The following SCYL2 variants were observed in gnomAD, a reference collection of about 807,000 sequenced individuals.
SCYL2 encodes the protein SCY1-like protein 2.
In SCYL2, 36 loss-of-function variants were observed where a neutral mutation model predicts 100.4. The ratio of observed to expected loss-of-function variants is 0.36; its 90% CI spans 0.27 to 0.47. The LOEUF (loss-of-function observed/expected upper bound fraction) is 0.47. Among genes scored for constraint, SCYL2 ranks in the 20% least tolerant of loss-of-function variants. The pLI, the probability that SCYL2 is intolerant of heterozygous loss-of-function variation, is 1.00. For synonymous variants in SCYL2, 330 were observed against 359.2 expected (o/e 0.92, Z 0.92); for missense variants, 902 against 1,083.9 (o/e 0.83, Z 2.36).
chr12:100,322,372 C>CAAAAAAAAAAAAAAA (rs34959294), intron 10 of SCYL2, among the ~76,000 whole-genome samples: 1 of 61,828 alleles, frequency 1.6e-5, no homozygotes, highest in Non-Finnish European at 3.3e-5. Context: ...GACTCCGTCT[C>CAAAAAAAAAAAAAAA]AAAAAAAAAA....
Position 100,277,193 on chromosome 12 carries a change from C to T in SCYL2, c.-28-5750C>T, listed in dbSNP as rs945177392. Among the ~76,000 whole-genome samples the T allele has an allele frequency of 3.9e-5, 6 of 152,132 alleles. No homozygotes were observed. The East Asian group carries it at 7.7e-4, about 20-fold the overall frequency. On this transcript the variant is annotated intron_variant, in intron 1 of 17. Transcript: ENST00000360820. The stretch of plus-strand genomic sequence containing the variant: ...CATTTTAGTGAATGTTACGTGTCTA[C>T]ATGAAAACCATTTTTAGTGAATGTT...
chr12:100,278,908 G>A (rs535688412), intron 1 of SCYL2, among the ~76,000 whole-genome samples: 3 of 152,206 alleles, frequency 2.0e-5, no homozygotes, highest in South Asian at 4.1e-4. Context: ...GATTACAGGC[G>A]TGAGCCACCG....
chr12:100,340,261 A>ATTTTTAATTTC lies in SCYL2; in HGVS notation c.*1090_*1091insTTTTAATTTCT, dbSNP rs1952336139. ...GGAATTTTAGGAACCTTTTGTTTAAATATTTTAATTTCTATTAGCCATTTT... is the reference window on the plus strand; with the variant it reads ...GGAATTTTAGGAACCTTTTGTTTAAATTTTTAATTTCTATTTTAATTTCTATTAGCCATTTT... On this transcript the variant is annotated 3_prime_UTR_variant, in exon 18 of 18. Transcript: ENST00000360820. 6.6e-6 allele frequency: 1 copy of ATTTTTAATTTC among 152,530 alleles called. No homozygotes were observed. The highest frequency in any genetic ancestry group is 1.5e-5 in the Non-Finnish European group (1 of 67,966). The allele number at this position is 152,530 out of a possible 1,614,324, so 9.4% of individuals were successfully genotyped here.
intron 3 of SCYL2, among the ~76,000 whole-genome samples, chr12:100,292,250 CT>C (rs2096311488): frequency 6.6e-6 from 1 of 152,212 alleles, no homozygotes; most frequent in Admixed American, 6.5e-5. Flanking sequence ...CTTTATAAAC[CT>C]TTTCGACATT....
chr12:100,319,123 T>G (rs2096352762), intron 10 of SCYL2: 1 of 428,796 alleles, frequency 2.3e-6, no homozygotes, highest in Admixed American at 2.6e-5. Context: ...TACTACATAT[T>G]TAAGGTCACT....
At chr12:100,307,156 T>C (rs2096335557) in intron 4 of SCYL2, among the ~76,000 whole-genome samples, 1 of 152,200 alleles carries the variant, frequency 6.6e-6, no homozygotes, top group African/African-American at 2.4e-5. Flanking sequence ...TTAAATTTCA[T>C]ATGGAACCAA....
chr12:100,299,383 A>G (rs1349202782), intron 4 of SCYL2, among the ~76,000 whole-genome samples: 2 of 152,236 alleles, frequency 1.3e-5, no homozygotes, highest in African/African-American at 4.8e-5. Flanking sequence ...TAAACTACAC[A>G]TATTCAAAGT....
At chr12:100,300,527 A>G (rs970478284) in intron 4 of SCYL2, among the ~76,000 whole-genome samples, 14 of 152,008 alleles carry the variant, frequency 9.2e-5, no homozygotes, top group Non-Finnish European at 1.9e-4. Context: ...TTAAATGTAC[A>G]ATTAAATTAT....
chr12:100,293,087 A>G (rs2096312473), intron 3 of SCYL2, among the ~76,000 whole-genome samples: 1 of 152,056 alleles, frequency 6.6e-6, no homozygotes, highest in South Asian at 2.1e-4. Flanking sequence ...CCTCCCTGAG[A>G]TTACAGGTGT....
chr12:100,339,130 TAGC>T lies in SCYL2; in HGVS notation c.2751_2753del (p.Ser919del), dbSNP rs1287162944. ...CACAGCCACCAACTACTATGACCAA[TAGC>T]AGTTCAGCTAGCAATGATTTAAAAG... On this transcript the variant is annotated inframe_deletion, in exon 18 of 18. Transcript: ENST00000360820. The T allele has an allele frequency of 6.2e-7, 1 of 1,613,994 alleles. No individual in the cohort carries two copies. The highest frequency in any genetic ancestry group is 8.5e-7 in the Non-Finnish European group (1 of 1,179,914).
intron 1 of SCYL2, among the ~76,000 whole-genome samples, chr12:100,277,655 G>C (rs2096293941): frequency 1.3e-5 from 2 of 152,080 alleles, no homozygotes; most frequent in African/African-American, 4.8e-5. Context: ...TATCCAATTT[G>C]ATAATCTCTG....
intron 13 of SCYL2, among the ~76,000 whole-genome samples, chr12:100,331,827 A>T (rs1001228037): frequency 3.9e-5 from 6 of 152,196 alleles, no homozygotes; most frequent in Non-Finnish European, 7.3e-5. Context: ...GATGATTTAA[A>T]TCTATTATAC....
chr12:100,316,053 T>G (rs1376932451), intron 9 of SCYL2, among the ~76,000 whole-genome samples: 1 of 152,210 alleles, frequency 6.6e-6, no homozygotes, highest in East Asian at 1.9e-4. Flanking sequence ...TTTAGGAAAA[T>G]AAATACTTGT....
intron 14 of SCYL2, among the ~76,000 whole-genome samples, chr12:100,335,091 G>A (rs1952258656): frequency 6.6e-6 from 1 of 152,014 alleles, no homozygotes. Context: ...GATTGACTAT[G>A]TTAACATAAA....
At chr12:100,275,616 T>C (rs1361388737) in intron 1 of SCYL2, among the ~76,000 whole-genome samples, 1 of 152,228 alleles carries the variant, frequency 6.6e-6, no homozygotes, top group African/African-American at 2.4e-5. Context: ...TATGCAGTTG[T>C]GTCATTTGGG....
intron 3 of SCYL2, among the ~76,000 whole-genome samples, chr12:100,297,798 G>A (rs1012041987): frequency 2.0e-5 from 3 of 152,060 alleles, no homozygotes; most frequent in African/African-American, 4.8e-5. Context: ...AAAAAAGATC[G>A]CAGTTATCAC....
intron 1 of SCYL2, among the ~76,000 whole-genome samples, chr12:100,271,158 C>G (rs1349435722): frequency 1.3e-5 from 2 of 148,476 alleles, no homozygotes; most frequent in African/African-American, 5.0e-5. Flanking sequence ...TAAAAAACTT[C>G]TAGTAATCTC....
At chr12:100,305,495 A>T (rs904822849) in intron 4 of SCYL2, among the ~76,000 whole-genome samples, 1 of 152,244 alleles carries the variant, frequency 6.6e-6, no homozygotes, top group Non-Finnish European at 1.5e-5. Context: ...TCTGGGACAC[A>T]GCTAAAGCAG....
chr12:100,270,692 C>T (rs2096286692), intron 1 of SCYL2, among the ~76,000 whole-genome samples: 1 of 146,576 alleles, frequency 6.8e-6, no homozygotes, highest in African/African-American at 2.5e-5. Flanking sequence ...CCAGGCTGGT[C>T]TCGAACTCCT....
Sources: gnomAD v4.1 joint callset for allele counts (sites outside exome capture counted in the v4.1 genomes callset) on GRCh38, gnomAD v4.1.1 for gene constraint, MANE v1.5 for transcripts, NCBI Gene and HGNC (gene_info 2026-07-23, HGNC 2026-07-21) for gene names.